Variants in FBXW11 observed in about 807,000 individuals in gnomAD.
FBXW11 encodes the protein F-box/WD repeat-containing protein 11.
FBXW11 carries 19 observed loss-of-function variants against 77.6 expected under a neutral mutation model. The observed-to-expected ratio is 0.24, with a 90% CI of 0.17 to 0.36. FBXW11 has a LOEUF of 0.36. Ranked by LOEUF, FBXW11 falls within the 10% of genes least tolerant of loss-of-function variation. The probability of loss-of-function intolerance (pLI) is 1.00; values close to 1 mark genes in which losing one functional copy is unlikely to be tolerated. For synonymous variants in FBXW11, 235 were observed against 249.4 expected (o/e 0.94, Z 0.54); for missense variants, 334 against 704.2 (o/e 0.47, Z 5.95).
intron 1 of FBXW11, among the ~76,000 whole-genome samples, chr5:171,983,887 G>A (rs575232522): frequency 1.3e-5 from 2 of 151,646 alleles, no homozygotes; most frequent in East Asian, 3.9e-4. Context: ...AGCAACTCAC[G>A]TATTCATCAA....
Position 171,998,336 on chromosome 5 carries a change from C to CTTTTTTTT in FBXW11, c.45+8114_45+8121dup, listed in dbSNP as rs778327855. Among the ~76,000 whole-genome samples the CTTTTTTTT allele has an allele frequency of 6.4e-4, 74 of 114,820 alleles. 7 individuals carry two copies. The highest frequency in any genetic ancestry group is 3.0e-3 in the African/African-American group (73 of 24,022). 75.3% of individuals were successfully genotyped at this position (114,820 alleles called of 152,430 possible). On this transcript the variant is annotated intron_variant, in intron 1 of 13. Transcript: ENST00000517395. The stretch of plus-strand genomic sequence containing the variant: ...ACAGCCCATGATATTTTTTTCTTGT[C>CTTTTTTTT]TTTTTTTTTTTTTTTTTAAGTAGAG...
chr5:171,966,316 T>C (rs556894221), intron 1 of FBXW11, among the ~76,000 whole-genome samples: 144 of 152,222 alleles, frequency 9.5e-4, no homozygotes, highest in South Asian at 1.7e-3. Context: ...AAAATCATAA[T>C]GGTTTATTCC....
chr5:171,883,956 G>GTA (rs545285950), intron 7 of FBXW11, among the ~76,000 whole-genome samples: 134 of 152,268 alleles, frequency 8.8e-4, no homozygotes, highest in African/African-American at 3.0e-3. Flanking sequence ...TTTGTCAGAT[G>GTA]TATAGATTGT....
chr5:171,899,931 A>C lies in FBXW11; in HGVS notation c.606T>G (p.Leu202=). 6.2e-7 allele frequency: 1 copy of C among 1,607,690 alleles called. No individual in the cohort carries two copies. Among genetic ancestry groups the C allele is most frequent in the Non-Finnish European group, 8.5e-7 (1 of 1,177,218 alleles). ...GTACTTACCACCCTCTTCTTTCTGA[A>C]AGTCCTTTCCATAGGGGATCAGTGC... ...MVRTDPLWKG[L]SERRGWDQYL... The change falls in exon 5 of 14, where the codon CTT becomes CTG. Residue 202 remains leucine, a synonymous_variant. Coordinates refer to ENST00000517395, the MANE Select transcript of FBXW11 (RefSeq NM_001378974.1).
intron 7 of FBXW11, among the ~76,000 whole-genome samples, chr5:171,881,942 G>T (rs1162577462): frequency 6.6e-6 from 1 of 152,032 alleles, no homozygotes; most frequent in Admixed American, 6.6e-5. Context: ...TCAATATTAG[G>T]AATCTGAGTG....
chr5:171,884,784 G>A (rs1758764024), intron 7 of FBXW11, among the ~76,000 whole-genome samples: 1 of 152,080 alleles, frequency 6.6e-6, no homozygotes, highest in Non-Finnish European at 1.5e-5. Flanking sequence ...TCCTTGTAGA[G>A]GTCTTTTGAC....
chr5:171,936,109 TAAAAAAAA>T (rs61349170), intron 2 of FBXW11, among the ~76,000 whole-genome samples: 1 of 59,356 alleles, frequency 1.7e-5, no homozygotes, highest in Non-Finnish European at 3.3e-5. Context: ...AGACTCCATC[TAAAAAAAA>T]AAAAAAAAAA....
rs1471581338 is a variant in FBXW11, at chr5:171,862,074, T to G, written c.*2053A>C. The G allele has an allele frequency of 6.6e-6, 1 of 152,604 alleles. No individual in the cohort carries two copies. Among genetic ancestry groups the G allele is most frequent in the South Asian group, 2.1e-4 (1 of 4,832 alleles). The allele number at this position is 152,604 out of a possible 1,614,324, so 9.5% of individuals were successfully genotyped here. A position where few individuals can be genotyped will look rare whatever the true frequency, so the allele number is the denominator to read the frequency against. ...ACGAGGGGAACTTCTATATTAAACA[T>G]GCAAAAACAACAAAAAATCCATTCA... On this transcript the variant is annotated 3_prime_UTR_variant, in exon 14 of 14. Transcript: ENST00000517395.
chr5:171,966,648 C>G (rs1474992043), intron 1 of FBXW11, among the ~76,000 whole-genome samples: 1 of 152,144 alleles, frequency 6.6e-6, no homozygotes, highest in Non-Finnish European at 1.5e-5. Context: ...TGAGGTTTTT[C>G]CAAGATCCAT....
At chr5:171,877,226 T>A (rs1446182630) in intron 8 of FBXW11, among the ~76,000 whole-genome samples, 1 of 152,154 alleles carries the variant, frequency 6.6e-6, no homozygotes, top group Non-Finnish European at 1.5e-5. Flanking sequence ...TGGCAAAAGA[T>A]GATTCCTCTA....
chr5:171,864,585 G>C (rs991452717), intron 13 of FBXW11, among the ~76,000 whole-genome samples: 2 of 152,124 alleles, frequency 1.3e-5, no homozygotes, highest in African/African-American at 2.4e-5. Context: ...ACAAAAATAT[G>C]CAAAAATTAG....
rs1300693659 is a variant in FBXW11, at chr5:171,879,673, TA to T, written c.853-1545del. On this transcript the variant is annotated intron_variant, in intron 7 of 13. Transcript: ENST00000517395. ...GGTGTGTAGTAGTGTCTCACTGTTATAATTCACATTTCTCTGATGACTTACA... is the reference window on the plus strand; with the variant it reads ...GGTGTGTAGTAGTGTCTCACTGTTATATTCACATTTCTCTGATGACTTACA... Among the ~76,000 whole-genome samples, 3 of 152,252 alleles carry T rather than the reference TA, an allele frequency of 2.0e-5. No homozygotes were observed. In the East Asian group the frequency reaches 5.8e-4, roughly 29 times the overall value.
chr5:171,992,322 G>A (rs1426325350), intron 1 of FBXW11, among the ~76,000 whole-genome samples: 1 of 151,970 alleles, frequency 6.6e-6, no homozygotes, highest in Non-Finnish European at 1.5e-5. Flanking sequence ...CAGCTACCAG[G>A]AGGCTGAGGT....
chr5:171,974,567 C>A lies in FBXW11; in HGVS notation c.46-16869G>T, dbSNP rs1460729666. ...AAATTTCTTGAAGCTAAAAAAAAAACAGGAAGAAGCCGAGCATAACCTATG... is the reference window on the plus strand; with the variant it reads ...AAATTTCTTGAAGCTAAAAAAAAAAAAGGAAGAAGCCGAGCATAACCTATG... On this transcript the variant is annotated intron_variant, in intron 1 of 13. Coordinates refer to ENST00000517395, the MANE Select transcript of FBXW11 (RefSeq NM_001378974.1). Among the ~76,000 whole-genome samples the A allele has an allele frequency of 3.3e-5, 5 of 150,210 alleles. No individual in the cohort carries two copies. The East Asian group carries it at 9.8e-4, about 29-fold the overall frequency.
chr5:171,972,502 T>TTA (rs768678185), intron 1 of FBXW11, among the ~76,000 whole-genome samples: 30 of 48,220 alleles, frequency 6.2e-4, no homozygotes, highest in Non-Finnish European at 7.9e-4. Context: ...CTCTGTCTCA[T>TTA]AAAAAAAAAA....
chr5:171,983,837 A>G (rs1765290186), intron 1 of FBXW11, among the ~76,000 whole-genome samples: 1 of 152,172 alleles, frequency 6.6e-6, no homozygotes, highest in Non-Finnish European at 1.5e-5. Flanking sequence ...GCTCATGTCT[A>G]CCTTAGAATT....
intron 1 of FBXW11, among the ~76,000 whole-genome samples, chr5:171,986,651 T>C (rs1765459632): frequency 2.0e-5 from 3 of 149,360 alleles, no homozygotes; most frequent in African/African-American, 7.5e-5. Context: ...CGCTTGAACC[T>C]AGGAAGTAAG....
At chr5:171,916,094 G>A (rs1363430509) in intron 2 of FBXW11, among the ~76,000 whole-genome samples, 6 of 151,002 alleles carry the variant, frequency 4.0e-5, no homozygotes, top group African/African-American at 1.2e-4. Context: ...CTGTCGTGGG[G>A]TGGGGGGAGG....
chr5:171,944,574 CA>C (rs34106047), intron 2 of FBXW11, among the ~76,000 whole-genome samples: 22 of 80,554 alleles, frequency 2.7e-4, no homozygotes, highest in African/African-American at 6.3e-4. Flanking sequence ...GACTCCATCT[CA>C]AAAAAAAAAA....
Sources: allele counts gnomAD v4.1 joint callset (sites outside exome capture counted in the v4.1 genomes callset), GRCh38; gene constraint gnomAD v4.1.1; transcripts MANE v1.5; gene names NCBI Gene and HGNC (gene_info 2026-07-23, HGNC 2026-07-21).